The following TTC29 variants were observed in gnomAD, a reference collection of about 807,000 sequenced individuals.
TTC29 encodes tetratricopeptide repeat protein 29.
TTC29 carries 49 observed loss-of-function variants against 58.1 expected under a neutral mutation model. That is an observed-to-expected ratio of 0.84 (90% CI 0.67 to 1.07). The LOEUF (loss-of-function observed/expected upper bound fraction) is 1.07, where lower values mean the gene tolerates loss of function less well. Among genes scored for constraint, TTC29 ranks in the 50% least tolerant of loss-of-function variants. The pLI, the probability that TTC29 is intolerant of heterozygous loss-of-function variation, is 0.00. For synonymous variants in TTC29, 209 were observed against 196.8 expected, an observed-to-expected ratio of 1.06 and a Z score of -0.52; for missense variants, 582 against 555.6, an observed-to-expected ratio of 1.05 and a Z score of -0.48.
intron 11 of TTC29, among the ~76,000 whole-genome samples, chr4:146,773,746 G>A (rs970867190): frequency 2.0e-5 from 3 of 150,850 alleles, no homozygotes; most frequent in Non-Finnish European, 4.4e-5. Context: ...GATGATGCTG[G>A]TCTCATAGAA....
chr4:146,751,249 A>T (rs1236664238), intron 11 of TTC29, among the ~76,000 whole-genome samples: 3 of 152,256 alleles, frequency 2.0e-5, no homozygotes, highest in Non-Finnish European at 4.4e-5. Context: ...AAAAATAGAT[A>T]GCAGTACAAT....
At chr4:146,708,330 ATATATATATATAT>A (rs1375839432) in intron 11 of TTC29, among the ~76,000 whole-genome samples, 1 of 64,026 alleles carries the variant, frequency 1.6e-5, no homozygotes, top group African/African-American at 4.5e-5. Context: ...ATATATATAT[ATATATATATATAT>A]ATATATATAT....
chr4:146,751,765 A>G (rs1395177028), intron 11 of TTC29, among the ~76,000 whole-genome samples: 1 of 152,186 alleles, frequency 6.6e-6, no homozygotes, highest in East Asian at 1.9e-4. Context: ...AGCTCACATA[A>G]ATAGTTTAAC....
chr4:146,917,166 G>A (rs1363921148), intron 4 of TTC29, among the ~76,000 whole-genome samples: 1 of 150,696 alleles, frequency 6.6e-6, no homozygotes, highest in Non-Finnish European at 1.5e-5. Context: ...ATCTCAAAAA[G>A]TAGAATTTAT....
At chr4:146,734,890 G>A (rs767965538) in intron 11 of TTC29, among the ~76,000 whole-genome samples, 2 of 151,946 alleles carry the variant, frequency 1.3e-5, no homozygotes, top group Non-Finnish European at 2.9e-5. Flanking sequence ...TTGATTCCTC[G>A]GTGGCCACGT....
chr4:146,841,777 C>T (rs1728866137), intron 8 of TTC29, among the ~76,000 whole-genome samples: 1 of 151,882 alleles, frequency 6.6e-6, no homozygotes, highest in Admixed American at 6.6e-5. Context: ...GGCTTTTGAG[C>T]CTGGAAGGTG....
intron 11 of TTC29, among the ~76,000 whole-genome samples, chr4:146,762,711 C>T (rs1264679643): frequency 1.3e-5 from 2 of 151,848 alleles, no homozygotes; most frequent in East Asian, 3.9e-4. Flanking sequence ...TTCTCAGTGA[C>T]CTCAGACTCA....
chr4:146,763,588 C>T (rs1333083197), intron 11 of TTC29, among the ~76,000 whole-genome samples: 5 of 152,000 alleles, frequency 3.3e-5, no homozygotes, highest in Non-Finnish European at 4.4e-5. Context: ...GCTCTTAAGG[C>T]AACACGATGA....
chr4:146,903,801 C>G, intron 5 of TTC29, 72 bp from the exon 6 acceptor site: 1 of 1,125,460 alleles, frequency 8.9e-7, no homozygotes, highest in South Asian at 3.2e-5. Context: ...GAACGGCAAA[C>G]CAATATCATG....
intron 11 of TTC29, among the ~76,000 whole-genome samples, chr4:146,768,316 A>C (rs1747477784): frequency 6.6e-6 from 1 of 151,986 alleles, no homozygotes; most frequent in African/African-American, 2.4e-5. Context: ...CTGCTTAGCT[A>C]TCCCCATCAG....
intron 8 of TTC29, among the ~76,000 whole-genome samples, chr4:146,860,208 G>C (rs1730135597): frequency 6.6e-6 from 1 of 152,058 alleles, no homozygotes; most frequent in Non-Finnish European, 1.5e-5. Context: ...ACAACTGTAA[G>C]AACTCTCTCC....
chr4:146,916,214 A>C (rs1326598419), intron 4 of TTC29, among the ~76,000 whole-genome samples: 1 of 151,790 alleles, frequency 6.6e-6, no homozygotes, highest in Non-Finnish European at 1.5e-5. Context: ...ATTTCTTGAC[A>C]TACACCTACT....
At position 146,706,986 on chromosome 4, in the gene TTC29, T is replaced by G; in HGVS notation, c.*172A>C. On this transcript the variant is annotated 3_prime_UTR_variant, in exon 13 of 13. Transcript: ENST00000325106. ...TATATTTTATTTTCATGGATTTAGA[T>G]GTTTTGGATTAAATTTATAGTAACA... 2.4e-6 allele frequency: 1 copy of G among 410,656 alleles called. No homozygotes were observed. The allele number at this position is 410,656 out of a possible 1,614,324, so 25.4% of individuals were successfully genotyped here.
At chr4:146,802,060 G>A (rs1750270859) in intron 11 of TTC29, among the ~76,000 whole-genome samples, 1 of 146,616 alleles carries the variant, frequency 6.8e-6, no homozygotes, top group South Asian at 2.2e-4. Flanking sequence ...ACATAGATCT[G>A]ATCAGAAGAT....
intron 10 of TTC29, among the ~76,000 whole-genome samples, chr4:146,819,568 G>C (rs1302094085): frequency 1.3e-5 from 2 of 152,108 alleles, no homozygotes; most frequent in African/African-American, 2.4e-5. Context: ...ACTAATAACA[G>C]CTTCTTGAAT....
intron 9 of TTC29, among the ~76,000 whole-genome samples, chr4:146,823,927 C>A (rs1219718214): frequency 6.6e-6 from 1 of 152,166 alleles, no homozygotes; most frequent in African/African-American, 2.4e-5. Context: ...TAAAGGAATA[C>A]TTGTGATTTT....
intron 11 of TTC29, among the ~76,000 whole-genome samples, chr4:146,770,445 C>A (rs548480599): frequency 6.6e-6 from 1 of 150,736 alleles, no homozygotes; most frequent in Non-Finnish European, 1.5e-5. Context: ...TTTTTTTTAA[C>A]TCTTTCATAT....
At chr4:146,815,691 T>A (rs1392244494) in intron 10 of TTC29, among the ~76,000 whole-genome samples, 1 of 152,008 alleles carries the variant, frequency 6.6e-6, no homozygotes, top group Non-Finnish European at 1.5e-5. Flanking sequence ...GAAGAAAAAA[T>A]TTAGAGAAAA....
chr4:146,803,361 A>G, intron 11 of TTC29, 96 bp downstream of exon 11: 1 of 902,690 alleles, frequency 1.1e-6, no homozygotes, highest in Admixed American at 2.8e-5. Flanking sequence ...CAATCAAATT[A>G]AAATCACCGA....
Sources: allele counts gnomAD v4.1 joint callset (sites outside exome capture counted in the v4.1 genomes callset), GRCh38; gene constraint gnomAD v4.1.1; transcripts MANE v1.5; gene names NCBI Gene and HGNC (gene_info 2026-07-23, HGNC 2026-07-21).